CDH13: variants seen among roughly 807,000 people sequenced by gnomAD.
CDH13 encodes the protein cadherin-13.
In CDH13, 24 loss-of-function variants were observed where a neutral mutation model predicts 63.8. The observed-to-expected ratio is 0.38, with a 90% CI of 0.27 to 0.53. CDH13 has a LOEUF of 0.53. CDH13 is among the 20% of genes least tolerant of loss of function. CDH13 has a pLI of 0.85. For synonymous variants in CDH13, 503 were observed against 355.3 expected, an observed-to-expected ratio of 1.42 and a Z score of -4.67; for missense variants, 1,049 against 903.1, an observed-to-expected ratio of 1.16 and a Z score of -2.07.
At chr16:83,270,354 G>A (rs2088764683) in intron 5 of CDH13, among the ~76,000 whole-genome samples, 1 of 152,160 alleles carries the variant, frequency 6.6e-6, no homozygotes, top group Non-Finnish European at 1.5e-5. Context: ...CTGGGATGTG[G>A]CTGTGTTTCA....
intron 3 of CDH13, among the ~76,000 whole-genome samples, chr16:83,094,017 G>A (rs564109552): frequency 9.8e-5 from 15 of 152,292 alleles, no homozygotes; most frequent in Admixed American, 4.6e-4. Flanking sequence ...TTTATGAATA[G>A]GCAAAATTTG....
At chr16:83,429,661 A>G (rs1241288699) in intron 6 of CDH13, among the ~76,000 whole-genome samples, 4 of 152,190 alleles carry the variant, frequency 2.6e-5, no homozygotes, top group African/African-American at 9.7e-5. Context: ...AGTTGTGGCT[A>G]ATCTTTCCTT....
At chr16:83,076,938 C>G (rs571378651) in intron 3 of CDH13, among the ~76,000 whole-genome samples, 1 of 151,900 alleles carries the variant, frequency 6.6e-6, no homozygotes, top group African/African-American at 2.4e-5. Context: ...TTTGTGCCAA[C>G]TGAATACAAC....
In CDH13 at chr16:83,691,802, A is replaced by G. The variant is rs570921395; in HGVS notation, c.1538+13341A>G. On this transcript the variant is annotated intron_variant, in intron 10 of 13. Coordinates refer to ENST00000567109, the MANE Select transcript of CDH13 (RefSeq NM_001257.5). ...AGCATGTCTGATCCACTTCCCTAACACAGCCAGGCTAGGTTGGCCGCTTTC... is the reference window on the plus strand; with the variant it reads ...AGCATGTCTGATCCACTTCCCTAACGCAGCCAGGCTAGGTTGGCCGCTTTC... Among the ~76,000 whole-genome samples the G allele has an allele frequency of 4.6e-5, 7 of 152,124 alleles. No individual in the cohort carries two copies. The South Asian group carries it at 1.5e-3, about 32-fold the overall frequency.
At chr16:83,342,194 A>G (rs1486768100) in intron 5 of CDH13, among the ~76,000 whole-genome samples, 1 of 152,198 alleles carries the variant, frequency 6.6e-6, no homozygotes, top group African/African-American at 2.4e-5. Context: ...CAATAGCCAT[A>G]TGTGGCTAGC....
intron 1 of CDH13, among the ~76,000 whole-genome samples, chr16:82,645,355 C>T (rs1909966644): frequency 1.3e-5 from 2 of 152,208 alleles, no homozygotes; most frequent in Admixed American, 6.5e-5. Context: ...GCTGATCCTT[C>T]TGACGTCTAT....
At chr16:83,784,548 C>T (rs1825457408) in intron 13 of CDH13, among the ~76,000 whole-genome samples, 1 of 150,194 alleles carries the variant, frequency 6.7e-6, no homozygotes, top group African/African-American at 2.5e-5. Context: ...AGCAGAATCA[C>T]TTGAACCCGG....
intron 11 of CDH13, among the ~76,000 whole-genome samples, chr16:83,763,662 A>G (rs896098935): frequency 1.1e-4 from 16 of 152,180 alleles, no homozygotes; most frequent in South Asian, 4.1e-4. Context: ...TGGCAACCCA[A>G]TCAAGCCAGT....
At chr16:82,628,192 C>A (rs915109068) in intron 1 of CDH13, among the ~76,000 whole-genome samples, 6 of 152,200 alleles carry the variant, frequency 3.9e-5, no homozygotes, top group African/African-American at 1.2e-4. Flanking sequence ...AGTCCCCCAT[C>A]GCCTCTCTGG....
chr16:83,439,613 G>T (rs1317528465), intron 6 of CDH13, among the ~76,000 whole-genome samples: 1 of 152,214 alleles, frequency 6.6e-6, no homozygotes, highest in African/African-American at 2.4e-5. Context: ...TATTGTTTTA[G>T]CCAGGAAAGG....
In CDH13 at chr16:82,788,679, G is replaced by T. The variant is rs145761797; in HGVS notation, c.46-69683G>T. Reference sequence around the variant, plus strand: ...CTAACAGCCAGCATTTGTGAATTTGGCAGAAGCCAGCAGATCTCACAGTTA... The same window carrying T: ...CTAACAGCCAGCATTTGTGAATTTGTCAGAAGCCAGCAGATCTCACAGTTA... On this transcript the variant is annotated intron_variant, in intron 1 of 13. Transcript: ENST00000567109. Among the ~76,000 whole-genome samples, 75 of 152,294 alleles carry T rather than the reference G, an allele frequency of 4.9e-4. 2 individuals carry two copies. The highest frequency in any genetic ancestry group is 1.7e-3 in the African/African-American group (69 of 41,564).
chr16:83,070,039 A>G (rs997583441), intron 3 of CDH13, among the ~76,000 whole-genome samples: 5 of 152,104 alleles, frequency 3.3e-5, no homozygotes, highest in African/African-American at 9.7e-5. Context: ...CCTTTTTTTC[A>G]AGGCACTTGA....
chr16:83,632,608 G>A (rs967962644), intron 8 of CDH13, among the ~76,000 whole-genome samples: 3 of 150,872 alleles, frequency 2.0e-5, no homozygotes, highest in African/African-American at 7.3e-5. Flanking sequence ...GTGACATTTT[G>A]TCACCATTGA....
intron 4 of CDH13, among the ~76,000 whole-genome samples, chr16:83,169,180 G>A (rs991486678): frequency 1.4e-5 from 2 of 145,124 alleles, no homozygotes; most frequent in Admixed American, 1.4e-4. Context: ...CAGTGCTTAG[G>A]TTTCCTTTTT....
intron 2 of CDH13, among the ~76,000 whole-genome samples, chr16:82,912,334 T>C (rs1198139685): frequency 6.6e-6 from 1 of 152,200 alleles, no homozygotes; most frequent in South Asian, 2.1e-4. Flanking sequence ...TAAATATCCT[T>C]TCCTGCTCCA....
At chr16:82,997,851 T>C (rs1005145999) in intron 2 of CDH13, among the ~76,000 whole-genome samples, 6 of 152,230 alleles carry the variant, frequency 3.9e-5, no homozygotes, top group Admixed American at 2.0e-4. Context: ...AGAGATTAAC[T>C]ACCAGTTGCA....
At chr16:83,313,642 G>A (rs1406725813) in intron 5 of CDH13, among the ~76,000 whole-genome samples, 7 of 82,396 alleles carry the variant, frequency 8.5e-5, no homozygotes, top group African/African-American at 2.5e-4. Flanking sequence ...CCTTACCATT[G>A]TAAAAAAAAA....
chr16:83,073,354 T>TGAGAGAGAGAGAGA (rs58505161), intron 3 of CDH13, among the ~76,000 whole-genome samples: 6 of 139,756 alleles, frequency 4.3e-5, no homozygotes, highest in African/African-American at 5.5e-5. Flanking sequence ...TGTGTGTGTG[T>TGAGAGAGAGAGAGA]GAGAGAGAGA....
intron 7 of CDH13, among the ~76,000 whole-genome samples, chr16:83,575,160 A>G (rs988073179): frequency 6.6e-6 from 1 of 152,228 alleles, no homozygotes; most frequent in Non-Finnish European, 1.5e-5. Context: ...ATGAAGGCAG[A>G]TGGTGACTGC....
Sources: allele counts gnomAD v4.1 joint callset (sites outside exome capture counted in the v4.1 genomes callset), GRCh38; gene constraint gnomAD v4.1.1; transcripts MANE v1.5; gene names NCBI Gene and HGNC (gene_info 2026-07-23, HGNC 2026-07-21).